The following ADCY8 variants were observed in gnomAD, a reference collection of about 807,000 sequenced individuals.
ADCY8 encodes the protein adenylate cyclase type 8.
ADCY8 carries 51 observed loss-of-function variants against 119.7 expected under a neutral mutation model. The ratio of observed to expected loss-of-function variants is 0.43; its 90% CI spans 0.34 to 0.54. The LOEUF is 0.54. Among genes scored for constraint, ADCY8 ranks in the 20% least tolerant of loss-of-function variants. The pLI, the probability that ADCY8 is intolerant of heterozygous loss-of-function variation, is 0.03. For synonymous variants in ADCY8, 665 were observed against 651.0 expected, an observed-to-expected ratio of 1.02 and a Z score of -0.33; for missense variants, 1,383 against 1,598.8, an observed-to-expected ratio of 0.87 and a Z score of 2.30.
At chr8:130,971,242 G>A (rs895858286) in intron 2 of ADCY8, among the ~76,000 whole-genome samples, 5 of 152,196 alleles carry the variant, frequency 3.3e-5, no homozygotes, top group Admixed American at 2.0e-4. Context: ...GACATCACCT[G>A]TATTTGGTAC....
At chr8:130,950,180 CTCT>C (rs1412504752) in intron 3 of ADCY8, among the ~76,000 whole-genome samples, 2 of 152,176 alleles carry the variant, frequency 1.3e-5, no homozygotes, top group Non-Finnish European at 2.9e-5. Flanking sequence ...AGGACTCTGA[CTCT>C]ATGTTTGGGA....
intron 13 of ADCY8, among the ~76,000 whole-genome samples, chr8:130,817,801 A>G (rs1816392348): frequency 6.6e-6 from 1 of 152,212 alleles, no homozygotes. Context: ...TGCTTTATGA[A>G]TTGTACTTCC....
intron 1 of ADCY8, among the ~76,000 whole-genome samples, chr8:131,011,410 G>A (rs1054603359): frequency 3.9e-5 from 6 of 152,140 alleles, no homozygotes; most frequent in Non-Finnish European, 5.9e-5. Flanking sequence ...CATCTAGAGT[G>A]CTTTATGGAT....
chr8:130,806,923 C>T (rs948859466), intron 14 of ADCY8, among the ~76,000 whole-genome samples: 66 of 152,106 alleles, frequency 4.3e-4, no homozygotes, highest in African/African-American at 1.4e-3. Flanking sequence ...ATACACCTTC[C>T]GAGACAGTCC....
intron 2 of ADCY8, among the ~76,000 whole-genome samples, chr8:130,990,162 A>T (rs1822529923): frequency 6.6e-6 from 1 of 152,208 alleles, no homozygotes; most frequent in East Asian, 1.9e-4. Flanking sequence ...TAAATTTGTG[A>T]CTGTAACCTC....
At chr8:130,882,470 T>A (rs1055797210) in intron 8 of ADCY8, among the ~76,000 whole-genome samples, 1 of 152,040 alleles carries the variant, frequency 6.6e-6, no homozygotes, top group Non-Finnish European at 1.5e-5. Context: ...AAAAGGAAAA[T>A]GAAGACAGCA....
chr8:130,910,044 C>T (rs1267691773), intron 5 of ADCY8, among the ~76,000 whole-genome samples, 178 bp from the exon 6 acceptor site: 1 of 151,644 alleles, frequency 6.6e-6, no homozygotes, highest in African/African-American at 2.4e-5. Context: ...CCTGCCTCAG[C>T]CTTGATGGTC....
rs777078912 is a variant in ADCY8 at position 131,039,673 on chromosome 8, C to T, written c.661G>A (p.Gly221Ser). 2.5e-6 allele frequency: 4 copies of T among 1,614,124 alleles called. No individual in the cohort carries two copies. The Admixed American group carries it at 5.0e-5, about 20-fold the overall frequency. ...LKGILLGFFT[G>S]IEVVICALVV... is the part of the protein sequence containing the mutation. ...AGGGCGCAGATCACTACCTCAATGC[C>T]GGTGAAGAAGCCCAGCAGGATGCCC... The change falls in exon 1 of 18, where the codon GGC becomes AGC. Residue 221 changes from glycine (G) to serine (S), a missense_variant. Coordinates refer to ENST00000286355, the MANE Select transcript of ADCY8 (RefSeq NM_001115.3).
At chr8:130,909,011 T>A (rs1182822113) in intron 6 of ADCY8, among the ~76,000 whole-genome samples, 3,787 of 123,152 alleles carry the variant, frequency 0.031, 86 homozygotes, top group South Asian at 0.073. Context: ...CTCTCTCTCT[T>A]TCTCTATCTC....
intron 1 of ADCY8, among the ~76,000 whole-genome samples, chr8:131,013,978 G>A (rs1266487527): frequency 6.6e-6 from 1 of 152,110 alleles, no homozygotes; most frequent in Non-Finnish European, 1.5e-5. Context: ...ATGAAAAAAT[G>A]GTTTGTTAAG....
chr8:130,981,666 G>C (rs889390450), intron 2 of ADCY8, among the ~76,000 whole-genome samples: 1 of 152,170 alleles, frequency 6.6e-6, no homozygotes, highest in Non-Finnish European at 1.5e-5. Context: ...CATGAGCATA[G>C]GGTCATGAAC....
intron 5 of ADCY8, among the ~76,000 whole-genome samples, chr8:130,916,120 G>A (rs369648319): frequency 3.9e-5 from 6 of 152,172 alleles, no homozygotes; most frequent in African/African-American, 1.2e-4. Flanking sequence ...ACGTCACACA[G>A]TTATTGATGG....
intron 2 of ADCY8, among the ~76,000 whole-genome samples, chr8:130,980,981 C>T (rs1253272371): frequency 6.6e-6 from 1 of 152,188 alleles, no homozygotes; most frequent in Non-Finnish European, 1.5e-5. Context: ...AGTCTACCCC[C>T]CACGTCTGCT....
intron 1 of ADCY8, among the ~76,000 whole-genome samples, chr8:131,013,273 T>C (rs1366438942): frequency 6.6e-6 from 1 of 151,994 alleles, no homozygotes; most frequent in Non-Finnish European, 1.5e-5. Context: ...AGATAAAACC[T>C]GACAAATGAA....
chr8:130,990,818 A>C, intron 1 of ADCY8: 1 of 249,158 alleles, frequency 4.0e-6, no homozygotes, highest in South Asian at 9.8e-5. Context: ...AAAAAGAGGG[A>C]ATCTGGTTGG....
intron 5 of ADCY8, among the ~76,000 whole-genome samples, chr8:130,934,009 C>G (rs1303803620): frequency 6.6e-6 from 1 of 152,176 alleles, no homozygotes; most frequent in East Asian, 1.9e-4. Flanking sequence ...AAAGGACACC[C>G]ATGTACAAAG....
chr8:130,822,488 G>A (rs1816539903), intron 12 of ADCY8, among the ~76,000 whole-genome samples: 1 of 143,990 alleles, frequency 6.9e-6, no homozygotes, highest in Non-Finnish European at 1.6e-5. Context: ...TTTTAGGGCT[G>A]AGGAGTCATC....
At chr8:131,003,520 C>T (rs1373501775) in intron 1 of ADCY8, among the ~76,000 whole-genome samples, 2 of 152,158 alleles carry the variant, frequency 1.3e-5, no homozygotes, top group East Asian at 3.9e-4. Flanking sequence ...GAAATCCTGC[C>T]AACCTCTTCA....
intron 2 of ADCY8, among the ~76,000 whole-genome samples, chr8:130,989,034 A>T (rs1461476309): frequency 3.3e-5 from 5 of 152,232 alleles, no homozygotes; most frequent in Non-Finnish European, 7.3e-5. Flanking sequence ...TGTTTTGCAC[A>T]CGAACATAAT....
Sources: allele counts gnomAD v4.1 joint callset (sites outside exome capture counted in the v4.1 genomes callset), GRCh38; gene constraint gnomAD v4.1.1; transcripts MANE v1.5; gene names NCBI Gene and HGNC (gene_info 2026-07-23, HGNC 2026-07-21).